Variants in MARF1 observed in about 807,000 individuals in gnomAD.
The protein encoded by MARF1 is meiosis regulator and mRNA stability factor 1, also known as limkain-b1.
Under a neutral mutation model 168.2 loss-of-function variants are expected in MARF1, and 24 were observed. The ratio of observed to expected loss-of-function variants is 0.14; its 90% CI spans 0.10 to 0.20. MARF1 has a LOEUF of 0.20. Ranked by LOEUF, MARF1 falls within the 10% of genes least tolerant of loss-of-function variation. The probability of loss-of-function intolerance (pLI) is 1.00; values close to 1 mark genes in which losing one functional copy is unlikely to be tolerated. For missense variants in MARF1, 1,744 were observed against 2,143.6 expected (o/e 0.81, Z 3.68); for synonymous variants, 868 against 822.4 (o/e 1.06, Z -0.95).
chr16:15,622,552 C>T (rs779813764), intron 11 of MARF1, among the ~76,000 whole-genome samples: 37 of 152,216 alleles, frequency 2.4e-4, no homozygotes, highest in Non-Finnish European at 3.7e-4. Context: ...CCACCACGCC[C>T]GGCTAATTTT....
chr16:15,598,406 A>G (rs1457641277), intron 26 of MARF1, among the ~76,000 whole-genome samples: 2 of 152,090 alleles, frequency 1.3e-5, no homozygotes, highest in Non-Finnish European at 2.9e-5. Context: ...TGTCTGTTAT[A>G]TCACTGGGCA....
rs773294303 is a variant in MARF1, at chr16:15,635,838, C to A, written c.649G>T (p.Gly217Cys). Residue 217 changes from glycine to cysteine, a missense_variant, in exon 3 of 27, where the codon GGC becomes TGC. By Grantham distance (159) the Gly-to-Cys change is radical (BLOSUM62 -3). Transcript: ENST00000396368. ...GGGAAATAGCCAGCGGAGGTGCAGC[C>A]CTGCAGACTCGGAAACTGATGCAGC... ...HKLHQFPSLQ[G>C]CTSAGYFPCS... The A allele has an allele frequency of 6.2e-7, 1 of 1,614,038 alleles. No individual in the cohort carries two copies. Among genetic ancestry groups the A allele is most frequent in the Non-Finnish European group, 8.5e-7 (1 of 1,180,050 alleles).
intron 12 of MARF1, among the ~76,000 whole-genome samples, chr16:15,621,091 T>C (rs1323661506): frequency 6.6e-6 from 1 of 150,488 alleles, no homozygotes; most frequent in Middle Eastern, 3.2e-3. Context: ...TCATTTTTAT[T>C]CTGAGAACAA....
At chr16:15,616,966 G>A in intron 15 of MARF1, 86 bp downstream of exon 15, 1 of 1,482,004 alleles carries the variant, frequency 6.7e-7, no homozygotes, top group African/African-American at 1.4e-5. Flanking sequence ...GTACTTATTT[G>A]TAAAGAGATG....
At chr16:15,610,399 A>G (rs558683244) in intron 19 of MARF1, 1 of 152,942 alleles carries the variant, frequency 6.5e-6, no homozygotes, top group Non-Finnish European at 1.5e-5. Context: ...CCTGGATACC[A>G]AAATCCGCAC....
At position 15,611,648 on chromosome 16, in the gene MARF1, G is replaced by T; in HGVS notation, c.3561C>A (p.Leu1187=). The T allele has an allele frequency of 6.2e-7, 1 of 1,614,084 alleles. No individual in the cohort carries two copies. The highest frequency in any genetic ancestry group is 8.5e-7 in the Non-Finnish European group (1 of 1,179,982). Residue 1187 remains leucine (L), a synonymous_variant, in exon 18 of 27, where the codon CTC becomes CTA. Coordinates refer to ENST00000396368, the MANE Select transcript of MARF1 (RefSeq NM_014647.4). ...TGACCTGTTTGCTGGCCTGGGATTTGAGAAGTTTTAGTAAATCCTGAGTAA... is the reference window on the plus strand; with the variant it reads ...TGACCTGTTTGCTGGCCTGGGATTTTAGAAGTTTTAGTAAATCCTGAGTAA... ...KRFTQDLLKL[L]KSQASKQVIV...
intron 21 of MARF1, among the ~76,000 whole-genome samples, chr16:15,607,958 G>C (rs2033158644): frequency 6.6e-6 from 1 of 152,190 alleles, no homozygotes; most frequent in Non-Finnish European, 1.5e-5. Context: ...ACACTGGAAG[G>C]AGTCAAGCTC....
chr16:15,616,952 T>G, intron 15 of MARF1, 100 bp downstream of exon 15: 2 of 1,432,552 alleles, frequency 1.4e-6, no homozygotes, highest in African/African-American at 2.9e-5. Flanking sequence ...TGAAGCATTG[T>G]AGAGTACTTA....
intron 26 of MARF1, 61 bp downstream of exon 26, chr16:15,598,793 C>A (rs12445076): frequency 6.7e-7 from 1 of 1,491,190 alleles, no homozygotes; most frequent in African/African-American, 1.4e-5. Context: ...ATATCAGTAT[C>A]TCATCGTGGT....
rs375098758 is a variant in MARF1, at chr16:15,609,528, A to C, written c.3949T>G (p.Leu1317Val). Residue 1317 changes from leucine to valine, a missense_variant, in exon 20 of 27, where the codon TTA (leucine) becomes GTA (valine). Around this residue, in one of 7 missense-constraint regions of MARF1, gnomAD observed 543 missense variants for 742.1 expected, o/e 0.73. Transcript: ENST00000396368. ...ATTAGAATTTCTTCACTCACTTGTA[A>C]AGTATCAGGTATGGCTTCAAAAAGT... is the stretch of plus-strand genomic sequence containing the variant. Reference protein sequence around the residue: ...LELFEAIPDTLQVLECGEEKI... With the variant: ...LELFEAIPDTVQVLECGEEKI... The C allele has an allele frequency of 1.9e-6, 3 of 1,611,492 alleles. No individual in the cohort carries two copies. In the Middle Eastern group the frequency reaches 4.9e-4, roughly 265 times the overall value.
In MARF1 at chr16:15,639,112, G is replaced by A. The variant is rs200032578; in HGVS notation, c.122C>T (p.Thr41Met). The A allele has an allele frequency of 2.2e-4, 356 of 1,613,964 alleles. No homozygotes were observed. Among genetic ancestry groups the A allele is most frequent in the Non-Finnish European group, 2.8e-4 (329 of 1,180,004 alleles). ...TACCGTTTGGGGACTATGTGGCAGC[G>A]TCTGCTCAGGACGAGAAAAGCAATT... is the stretch of plus-strand genomic sequence containing the variant. ...FSNCFSRPEQTLPHSPQTKEY... is the reference protein window; with the variant it reads ...FSNCFSRPEQMLPHSPQTKEY... The change falls in exon 2 of 27, where the codon ACG (threonine) becomes ATG (methionine). Residue 41 changes from threonine to methionine, a missense_variant. Thr to Met is a moderately conservative substitution (Grantham distance 81). This residue lies in a region of MARF1 where 318 missense variants were observed against 336.6 expected (regional missense o/e 0.94). Coordinates refer to ENST00000396368, the MANE Select transcript of MARF1 (RefSeq NM_014647.4).
intron 1 of MARF1, among the ~76,000 whole-genome samples, chr16:15,640,384 G>C (rs900278666): frequency 3.9e-5 from 6 of 152,186 alleles, no homozygotes; most frequent in South Asian, 2.1e-4. Context: ...ATCTACGCCA[G>C]AGCAACAACA....
chr16:15,620,467 C>G lies in MARF1; in HGVS notation c.2704G>C (p.Asp902His). Residue 902 changes from aspartate to histidine, a missense_variant, in exon 13 of 27, where the codon GAT becomes CAT. By Grantham distance (81) the Asp-to-His change is moderately conservative. Coordinates refer to ENST00000396368, the MANE Select transcript of MARF1 (RefSeq NM_014647.4). ...CTAACTTACTTTTTTTCATAGATATCTGTAAATTTAAACAGAGGCAGGCAA... is the reference window on the plus strand; with the variant it reads ...CTAACTTACTTTTTTTCATAGATATGTGTAAATTTAAACAGAGGCAGGCAA... ...ACCLPLFKFTDIYEKKFGHKL... is the reference protein window; with the variant it reads ...ACCLPLFKFTHIYEKKFGHKL... 6.2e-7 allele frequency: 1 copy of G among 1,611,166 alleles called. No individual in the cohort carries two copies. The highest frequency in any genetic ancestry group is 8.5e-7 in the Non-Finnish European group (1 of 1,177,762).
At chr16:15,619,064 C>T (rs2034268760) in intron 13 of MARF1, among the ~76,000 whole-genome samples, 1 of 152,100 alleles carries the variant, frequency 6.6e-6, no homozygotes, top group Non-Finnish European at 1.5e-5. Flanking sequence ...TCACTTGAAG[C>T]CAGGAGTTCA....
chr16:15,638,414 C>T (rs941102768), intron 2 of MARF1, among the ~76,000 whole-genome samples: 3 of 152,024 alleles, frequency 2.0e-5, no homozygotes, highest in African/African-American at 7.2e-5. Flanking sequence ...GGCGAAACCT[C>T]GTCTCCACTA....
intron 26 of MARF1, among the ~76,000 whole-genome samples, chr16:15,597,701 C>T (rs11860011): frequency 0.015 from 2,283 of 152,302 alleles, 63 homozygotes; most frequent in African/African-American, 0.052. Flanking sequence ...AAGAGAAGAG[C>T]GGCTGACAGA....
At chr16:15,601,219 G>C (rs917511879) in intron 23 of MARF1, 41 of 382,184 alleles carry the variant, frequency 1.1e-4, no homozygotes, top group Admixed American at 3.4e-4. Flanking sequence ...CCAGGTCACT[G>C]ATCTCAGCTC....
chr16:15,638,627 A>C (rs906102452), intron 2 of MARF1, among the ~76,000 whole-genome samples: 6 of 152,212 alleles, frequency 3.9e-5, no homozygotes, highest in African/African-American at 1.4e-4. Context: ...TGAGTAAGCA[A>C]GAAGTTAGAG....
At chr16:15,625,278 A>G (rs1251882890) in intron 8 of MARF1, 94 bp downstream of exon 8, 2 of 1,547,410 alleles carry the variant, frequency 1.3e-6, no homozygotes, top group African/African-American at 1.4e-5. Flanking sequence ...CACTGAAATC[A>G]AAAAGGGACA....
Sources: gnomAD v4.1 joint callset for allele counts (sites outside exome capture counted in the v4.1 genomes callset) on GRCh38, gnomAD v4.1.1 for gene constraint, gnomAD v4.1.1 regional missense constraint, MANE v1.5 for transcripts, NCBI Gene and HGNC (gene_info 2026-07-23, HGNC 2026-07-21) for gene names.